SUSD2: variants seen among roughly 807,000 people sequenced by gnomAD.
SUSD2 encodes the protein sushi domain containing 2.
In SUSD2, 86 loss-of-function variants were observed where a neutral mutation model predicts 93.8. The observed-to-expected ratio is 0.92, with a 90% CI of 0.77 to 1.10. SUSD2 has a LOEUF of 1.10. Ranked by LOEUF, SUSD2 falls within the 50% of genes least tolerant of loss-of-function variation. The pLI, the probability that SUSD2 is intolerant of heterozygous loss-of-function variation, is 0.00. For synonymous variants in SUSD2, 483 were observed against 485.0 expected (o/e 1.00, Z 0.05); for missense variants, 1,060 against 1,137.0 (o/e 0.93, Z 0.97).
intron 9 of SUSD2, 30 bp from the exon 10 acceptor site, chr22:24,186,227 G>A (rs200415005): frequency 1.2e-6 from 2 of 1,611,228 alleles, no homozygotes; most frequent in East Asian, 4.5e-5. Flanking sequence ...CTGGAGCCAA[G>A]TGGCTCCCGT....
rs78586898 is a variant in SUSD2, at chr22:24,184,839, C to T, written c.681C>T (p.Ser227=). The stretch of plus-strand genomic sequence containing the variant: ...CCCTGGCCACACACATCCCCAACTC[C>T]GGCTCTTTCACTTTCACCCCAAAAC... The part of the protein sequence containing the change: ...LYPLATHIPN[S]GSFTFTPKPA... Residue 227 remains serine, a synonymous_variant, in exon 5 of 15, where the codon TCC becomes TCT. Transcript: ENST00000358321. 49,513 of 1,613,950 alleles carry T rather than the reference C, an allele frequency of 0.031. 902 individuals are homozygous for T. The highest frequency in any genetic ancestry group is 0.036 in the Non-Finnish European group (42,778 of 1,179,932).
At position 24,181,510 on chromosome 22, in the gene SUSD2, A is replaced by C. The variant is rs1226669774; in HGVS notation, c.-10A>C. On this transcript the variant is annotated 5_prime_UTR_variant, in exon 1 of 15. Coordinates refer to ENST00000358321, the MANE Select transcript of SUSD2 (RefSeq NM_019601.4). ...CCACTGCACTGCTGGCTGCAGACACAGGCTGCACCATGAAGCCAGCCCTCC... is the reference window on the plus strand; with the variant it reads ...CCACTGCACTGCTGGCTGCAGACACCGGCTGCACCATGAAGCCAGCCCTCC... 3 of 1,565,820 alleles carry C rather than the reference A, an allele frequency of 1.9e-6. No homozygotes were observed. In the African/African-American group the frequency reaches 4.1e-5, roughly 21 times the overall value.
In SUSD2 at chr22:24,186,368, A is replaced by T; in HGVS notation, c.1595A>T (p.Asn532Ile). The change falls in exon 10 of 15, where the codon AAC becomes ATC. Residue 532 changes from asparagine to isoleucine, a missense_variant. Physicochemically the swap from Asn to Ile is moderately radical, Grantham distance 149. Coordinates refer to ENST00000358321, the MANE Select transcript of SUSD2 (RefSeq NM_019601.4). ...ACCGGAGGTCTGGAGGTGCTGCTGA[A>T]CCAGGAGGTGCTGAGCTTCACCGAG... Reference protein sequence around the residue: ...NRTGGLEVLLNQEVLSFTEQS... With the variant: ...NRTGGLEVLLIQEVLSFTEQS... 1 of 1,613,796 alleles carries T rather than the reference A, an allele frequency of 6.2e-7. No individual in the cohort carries two copies. Among genetic ancestry groups the T allele is most frequent in the Non-Finnish European group, 8.5e-7 (1 of 1,180,028 alleles).
In SUSD2 at chr22:24,183,310, C is replaced by A. The variant is rs369529349; in HGVS notation, c.287+43C>A. On this transcript the variant is annotated intron_variant, in intron 2 of 14. Transcript: ENST00000358321. ...GCCGGGCACTGGGGCCCCACGCCCC[C>A]ATCCCTGTGCATGCTGAGGGCTCAG... 9.3e-5 allele frequency: 145 copies of A among 1,566,140 alleles called. No homozygotes were observed. The African/African-American group carries it at 1.9e-3, about 20-fold the overall frequency.
intron 3 of SUSD2, 159 bp from the exon 4 acceptor site, chr22:24,183,977 G>A (rs13433653): frequency 0.089 from 64,989 of 730,338 alleles, 4,159 homozygotes; most frequent in East Asian, 0.34. Context: ...CTGCCTCTGC[G>A]GCCTCAGCGT....
At position 24,184,810 on chromosome 22, in the gene SUSD2, T is replaced by G; in HGVS notation, c.652T>G (p.Tyr218Asp). ...QEWTAKWSYL[Y>D]PLATHIPNSG... Reference sequence around the variant, plus strand: ...GTGGACTGCAAAGTGGTCGTACCTGTACCCCCTGGCCACACACATCCCCAA... The same window carrying G: ...GTGGACTGCAAAGTGGTCGTACCTGGACCCCCTGGCCACACACATCCCCAA... The change falls in exon 5 of 15, where the codon TAC becomes GAC. Residue 218 changes from tyrosine to aspartate, a missense_variant. This residue lies in a region of SUSD2 where 973 missense variants were observed against 1,005.3 expected (regional missense o/e 0.97). Transcript: ENST00000358321. 1 of 1,612,322 alleles carries G rather than the reference T, an allele frequency of 6.2e-7. No homozygotes were observed. Among genetic ancestry groups the G allele is most frequent in the Non-Finnish European group, 8.5e-7 (1 of 1,179,176 alleles).
At position 24,185,808 on chromosome 22, in the gene SUSD2, G is replaced by C; in HGVS notation, c.1218G>C (p.Met406Ile). The C allele has an allele frequency of 1.2e-6, 2 of 1,610,718 alleles. No homozygotes were observed. Among genetic ancestry groups the C allele is most frequent in the Non-Finnish European group, 1.7e-6 (2 of 1,178,888 alleles). ...PFRTPPRVPS[M>I]SHWLYDVLSF... ...GCACGCCACCCCGAGTGCCCAGCAT[G>C]TCCCACTGGCTCTACGATGTCCTCA... Residue 406 changes from methionine (M) to isoleucine (I), a missense_variant, in exon 8 of 15, where the codon ATG becomes ATC. Met to Ile is a conservative substitution (Grantham distance 10). This residue lies in a region of SUSD2 where 973 missense variants were observed against 1,005.3 expected (regional missense o/e 0.97). Coordinates refer to ENST00000358321, the MANE Select transcript of SUSD2 (RefSeq NM_019601.4).
At position 24,188,201 on chromosome 22, in the gene SUSD2, C is replaced by T; in HGVS notation, c.2342-24C>T. ...CACTCACCACCCCAGAGAGCCCCCTCACTGACACTCGCTCCCTCACCAGGA... is the reference window on the plus strand; with the variant it reads ...CACTCACCACCCCAGAGAGCCCCCTTACTGACACTCGCTCCCTCACCAGGA... On this transcript the variant is annotated intron_variant, in intron 13 of 14. Coordinates refer to ENST00000358321, the MANE Select transcript of SUSD2 (RefSeq NM_019601.4). The surrounding 1 kb of genome is among the most constrained non-coding windows in gnomAD (Gnocchi z 4.7). The T allele has an allele frequency of 1.9e-6, 3 of 1,589,656 alleles. No individual in the cohort carries two copies. Among genetic ancestry groups the T allele is most frequent in the East Asian group, 2.2e-5 (1 of 44,498 alleles).
Position 24,183,148 on chromosome 22 carries a change from G to A in SUSD2, c.168G>A (p.Leu56=). The A allele has an allele frequency of 6.2e-7, 1 of 1,614,056 alleles. No homozygotes were observed. The highest frequency in any genetic ancestry group is 8.5e-7 in the Non-Finnish European group (1 of 1,179,886). Residue 56 remains leucine, a synonymous_variant, in exon 2 of 15, where the codon TTG becomes TTA. Coordinates refer to ENST00000358321, the MANE Select transcript of SUSD2 (RefSeq NM_019601.4). ...PTCSGLGTCC[L]DFRDFCLEIL... ...GCTCTGGCCTTGGCACCTGCTGCTT[G>A]GATTTCCGGGACTTCTGCCTGGAGA...
chr22:24,186,708 G>T, intron 10 of SUSD2: 1 of 477,858 alleles, frequency 2.1e-6, no homozygotes. Context: ...AGCCACTCCT[G>T]TGCTCCTGTC....
intron 1 of SUSD2, 141 bp from the exon 2 acceptor site, chr22:24,182,916 G>C: frequency 1.5e-6 from 1 of 650,294 alleles, no homozygotes. Flanking sequence ...TGTCCACCTG[G>C]TGGCCTGTGC....
In SUSD2 at chr22:24,181,507, C is replaced by A; in HGVS notation, c.-13C>A. On this transcript the variant is annotated 5_prime_UTR_variant, in exon 1 of 15. Coordinates refer to ENST00000358321, the MANE Select transcript of SUSD2 (RefSeq NM_019601.4). Reference sequence around the variant, plus strand: ...GAGCCACTGCACTGCTGGCTGCAGACACAGGCTGCACCATGAAGCCAGCCC... The same window carrying A: ...GAGCCACTGCACTGCTGGCTGCAGAAACAGGCTGCACCATGAAGCCAGCCC... 14 of 1,560,454 alleles carry A rather than the reference C, an allele frequency of 9.0e-6. No homozygotes were observed. Among genetic ancestry groups the A allele is most frequent in the Non-Finnish European group, 1.2e-5 (14 of 1,156,740 alleles).
rs755309740 is a variant in SUSD2, at chr22:24,186,434, C to T, written c.1642+19C>T. On this transcript the variant is annotated intron_variant, in intron 10 of 14. Transcript: ENST00000358321. ...CTGAAAGGTGAGCAGTCCAGCCACG[C>T]GAGGCTGCGGGCTGCCCTCACCTCC... 2.0e-5 allele frequency: 32 copies of T among 1,610,606 alleles called. No individual in the cohort carries two copies. In the East Asian group the frequency reaches 2.7e-4, roughly 13 times the overall value.
In SUSD2 at chr22:24,187,388, A is replaced by G. The variant is rs2047375426; in HGVS notation, c.1829A>G (p.His610Arg). ...NNDPTDDFTL[H>R]SGRVLPPGTS... Reference sequence around the variant, plus strand: ...GACCCCACCGACGACTTCACCCTGCACAGCGGGCGCGTCCTGCCCCCAGGC... The same window carrying G: ...GACCCCACCGACGACTTCACCCTGCGCAGCGGGCGCGTCCTGCCCCCAGGC... The change falls in exon 11 of 15, where the codon CAC becomes CGC. Residue 610 changes from histidine (H) to arginine (R), a missense_variant. By Grantham distance (29) the His-to-Arg change is conservative (BLOSUM62 0). This residue lies in a region of SUSD2 where 973 missense variants were observed against 1,005.3 expected (regional missense o/e 0.97). Coordinates refer to ENST00000358321, the MANE Select transcript of SUSD2 (RefSeq NM_019601.4). 3 of 1,613,392 alleles carry G rather than the reference A, an allele frequency of 1.9e-6. No homozygotes were observed. Among genetic ancestry groups the G allele is most frequent in the African/African-American group, 1.3e-5 (1 of 74,664 alleles).
At chr22:24,185,330 A>T in intron 6 of SUSD2, 35 bp downstream of exon 6, 1 of 1,591,912 alleles carries the variant, frequency 6.3e-7, no homozygotes, top group Non-Finnish European at 8.5e-7. Context: ...AGAGGGGATG[A>T]GGGGTTAGCC....
Position 24,187,145 on chromosome 22 carries a change from C to T in SUSD2, c.1643-57C>T, listed in dbSNP as rs1234336766. The T allele has an allele frequency of 4.0e-5, 63 of 1,572,296 alleles. 1 individual carries two copies. Among genetic ancestry groups the T allele is most frequent in the South Asian group, 2.2e-4 (19 of 86,642 alleles). On this transcript the variant is annotated intron_variant, in intron 10 of 14. Transcript: ENST00000358321. ...TGCCGACCACCCTGTCCTGGGGCTG[C>T]GGGAGGGGACAAGATGCTCACAGCG...
intron 1 of SUSD2, 27 bp downstream of exon 1, chr22:24,181,622 CCGTCTGT>C (rs2047326533): frequency 3.2e-6 from 5 of 1,545,702 alleles, no homozygotes; most frequent in Non-Finnish European, 4.4e-6. Flanking sequence ...TTCTGTGTCC[CCGTCTGT>C]CTGTCCATCT....
Position 24,183,659 on chromosome 22 carries a change from C to A in SUSD2, c.439+13C>A. Reference sequence around the variant, plus strand: ...ACCTGGCTGGCTGGTGAGCCCTCCTCCCTGCCCACAGCCTGCCCCCACGGG... The same window carrying A: ...ACCTGGCTGGCTGGTGAGCCCTCCTACCTGCCCACAGCCTGCCCCCACGGG... On this transcript the variant is annotated intron_variant, in intron 3 of 14. Transcript: ENST00000358321. 1 of 1,608,000 alleles carries A rather than the reference C, an allele frequency of 6.2e-7. No individual in the cohort carries two copies. Among genetic ancestry groups the A allele is most frequent in the Non-Finnish European group, 8.5e-7 (1 of 1,179,334 alleles).
rs747976172 is a variant in SUSD2, at chr22:24,187,451, G to A, written c.1891+1G>A. The A allele has an allele frequency of 1.2e-6, 2 of 1,612,700 alleles. No homozygotes were observed. The highest frequency in any genetic ancestry group is 1.1e-5 in the South Asian group (1 of 91,062). On this transcript the variant is annotated splice_donor_variant, in intron 11 of 14. Coordinates refer to ENST00000358321, the MANE Select transcript of SUSD2 (RefSeq NM_019601.4). LOFTEE classifies it high-confidence loss of function. ...GAGCTGTTCCTGTTTGGGGCCAACT[G>A]TGAGTGACCGTGGAGTATATGGGGC...
Sources: allele counts gnomAD v4.1 joint callset, GRCh38; gene constraint gnomAD v4.1.1; regional missense constraint gnomAD v4.1.1; non-coding constraint Gnocchi (gnomAD v3.1); transcripts MANE v1.5; gene names NCBI Gene and HGNC (gene_info 2026-07-23, HGNC 2026-07-21).